Variants in DLG2 observed in about 807,000 individuals in gnomAD.
DLG2 encodes the protein discs large MAGUK scaffold protein 2.
Under a neutral mutation model 132.5 loss-of-function variants are expected in DLG2, and 45 were observed. That is an observed-to-expected ratio of 0.34 (90% CI 0.27 to 0.44). The LOEUF (loss-of-function observed/expected upper bound fraction) is 0.44. Ranked by LOEUF, DLG2 falls within the 20% of genes least tolerant of loss-of-function variation. DLG2 has a pLI of 1.00. For synonymous variants in DLG2, 424 were observed against 419.6 expected (o/e 1.01, Z -0.13); for missense variants, 1,045 against 1,196.9 (o/e 0.87, Z 1.87).
At chr11:83,888,162 C>G (rs1469779132) in intron 15 of DLG2, among the ~76,000 whole-genome samples, 1 of 151,006 alleles carries the variant, frequency 6.6e-6, no homozygotes, top group Non-Finnish European at 1.5e-5. Flanking sequence ...GTCAAATTGT[C>G]CCTGTTTGCA....
intron 18 of DLG2, among the ~76,000 whole-genome samples, chr11:83,709,093 CA>C (rs144107536): frequency 0.012 from 1,840 of 152,044 alleles, 31 homozygotes; most frequent in African/African-American, 0.041. Context: ...AGGTAAGAGA[CA>C]AGTCTGAGTC....
intron 3 of DLG2, among the ~76,000 whole-genome samples, chr11:85,492,837 C>G (rs143921772): frequency 6.6e-6 from 1 of 151,838 alleles, no homozygotes; most frequent in Admixed American, 6.6e-5. Context: ...GCTCAAATGA[C>G]GGTTGATAGG....
chr11:83,487,942 G>C (rs973863372), intron 21 of DLG2, among the ~76,000 whole-genome samples: 1 of 151,894 alleles, frequency 6.6e-6, no homozygotes, highest in Non-Finnish European at 1.5e-5. Flanking sequence ...ATTGGGAAGT[G>C]GCAGCCAAGG....
intron 16 of DLG2, among the ~76,000 whole-genome samples, chr11:83,845,313 G>T (rs2154023432): frequency 6.6e-6 from 1 of 152,248 alleles, no homozygotes; most frequent in East Asian, 1.9e-4. Flanking sequence ...GAAGAGAGGG[G>T]CATACCAAAG....
At chr11:85,016,153 G>A (rs532745901) in intron 6 of DLG2, among the ~76,000 whole-genome samples, 11 of 152,156 alleles carry the variant, frequency 7.2e-5, no homozygotes, top group African/African-American at 2.6e-4. Context: ...TGTCATTGAT[G>A]TTTTAATAAT....
Position 84,098,044 on chromosome 11 carries a change from T to TC in DLG2, c.749+878_749+879insG, listed in dbSNP as rs1371143251. ...TAAACTCACCATGTGCCTTTTTTTT[T>TC]TTTTTTTTCTTTTTTGCTTTTTGAG... On this transcript the variant is annotated intron_variant, in intron 10 of 27. Coordinates refer to ENST00000376104, the MANE Select transcript of DLG2 (RefSeq NM_001142699.3). 3.2e-3 allele frequency among the ~76,000 whole-genome samples: 483 copies of TC among 149,768 alleles called. 8 individuals carry two copies. The highest frequency in any genetic ancestry group is 0.012 in the African/African-American group (472 of 40,376).
At chr11:84,530,005 T>C (rs1355626367) in intron 7 of DLG2, among the ~76,000 whole-genome samples, 2 of 152,134 alleles carry the variant, frequency 1.3e-5, no homozygotes, top group Non-Finnish European at 2.9e-5. Context: ...GACGATTATC[T>C]GATCTTCAAT....
chr11:84,562,500 G>C (rs2099430500), intron 6 of DLG2, among the ~76,000 whole-genome samples: 1 of 151,960 alleles, frequency 6.6e-6, no homozygotes, highest in Non-Finnish European at 1.5e-5. Flanking sequence ...ATAATAGTTA[G>C]CTTGAAAATT....
intron 3 of DLG2, among the ~76,000 whole-genome samples, chr11:85,548,461 G>A (rs972945122): frequency 3.9e-5 from 6 of 152,308 alleles, no homozygotes; most frequent in African/African-American, 7.2e-5. Context: ...CAGGATACAC[G>A]GGGGTCAGGG....
chr11:84,960,653 G>A (rs1054134420), intron 6 of DLG2, among the ~76,000 whole-genome samples: 45 of 151,776 alleles, frequency 3.0e-4, no homozygotes, highest in Admixed American at 8.5e-4. Flanking sequence ...TGCCCAGGTT[G>A]GTCTCAAACT....
At chr11:84,678,212 A>T (rs151095222) in intron 6 of DLG2, among the ~76,000 whole-genome samples, 48 of 152,176 alleles carry the variant, frequency 3.2e-4, no homozygotes, top group African/African-American at 5.3e-4. Context: ...ACTATGGACA[A>T]TGCCATCTGT....
At chr11:83,909,189 C>T (rs949165020) in intron 15 of DLG2, among the ~76,000 whole-genome samples, 18 of 152,112 alleles carry the variant, frequency 1.2e-4, no homozygotes, top group Admixed American at 1.3e-4. Context: ...GCAGTAAGAC[C>T]CTTGTTCTAG....
chr11:83,900,155 T>TC (rs2073015218), intron 15 of DLG2, among the ~76,000 whole-genome samples: 1 of 152,166 alleles, frequency 6.6e-6, no homozygotes. Context: ...AGGAAATTTC[T>TC]AAGCAGCAAA....
intron 6 of DLG2, among the ~76,000 whole-genome samples, chr11:85,073,322 G>A (rs1364914249): frequency 1.3e-5 from 2 of 151,802 alleles, no homozygotes; most frequent in African/African-American, 2.4e-5. Context: ...CAGCTTCACT[G>A]GAAATGGCAC....
At chr11:84,772,012 G>A (rs1482608411) in intron 6 of DLG2, among the ~76,000 whole-genome samples, 1 of 152,042 alleles carries the variant, frequency 6.6e-6, no homozygotes, top group East Asian at 1.9e-4. Flanking sequence ...GTCTTGAAGG[G>A]CATCTTTCAC....
intron 6 of DLG2, among the ~76,000 whole-genome samples, chr11:85,054,271 A>G (rs10792798): frequency 0.24 from 36,659 of 151,850 alleles, 4,650 homozygotes; most frequent in Middle Eastern, 0.3. Flanking sequence ...CTAAAAAAAA[A>G]AAAAAGAAAG....
intron 14 of DLG2, among the ~76,000 whole-genome samples, chr11:83,960,326 A>G (rs557851300): frequency 6.6e-6 from 1 of 152,200 alleles, no homozygotes; most frequent in Non-Finnish European, 1.5e-5. Flanking sequence ...GTGCTACATA[A>G]GGGCACTTTA....
chr11:85,140,050 C>T (rs2076367464), intron 5 of DLG2, among the ~76,000 whole-genome samples: 1 of 151,978 alleles, frequency 6.6e-6, no homozygotes. Context: ...ACCACAGTTT[C>T]TTTATCCATT....
chr11:85,377,874 C>T (rs947204762), intron 3 of DLG2, among the ~76,000 whole-genome samples: 8 of 145,688 alleles, frequency 5.5e-5, no homozygotes, highest in East Asian at 2.0e-4. Flanking sequence ...CATATATATA[C>T]ACACACACAC....
Sources: allele counts gnomAD v4.1 joint callset (sites outside exome capture counted in the v4.1 genomes callset), GRCh38; gene constraint gnomAD v4.1.1; transcripts MANE v1.5; gene names NCBI Gene and HGNC (gene_info 2026-07-23, HGNC 2026-07-21).